FHIT: variants seen among roughly 807,000 people sequenced by gnomAD.
FHIT encodes the protein fragile histidine triad diadenosine triphosphatase.
In FHIT, 19 loss-of-function variants were observed where a neutral mutation model predicts 17.9. That is an observed-to-expected ratio of 1.06 (90% CI 0.74 to 1.56). FHIT has a LOEUF of 1.56. Ranked by LOEUF, FHIT falls within the 40% of genes most tolerant of loss-of-function variation. The pLI, the probability that FHIT is intolerant of heterozygous loss-of-function variation, is 0.00. For synonymous variants in FHIT, 81 were observed against 69.7 expected (o/e 1.16, Z -0.81); for missense variants, 248 against 189.2 (o/e 1.31, Z -1.82).
intron 5 of FHIT, among the ~76,000 whole-genome samples, chr3:60,487,892 C>T (rs1156886125): frequency 2.6e-5 from 4 of 152,106 alleles, no homozygotes; most frequent in Non-Finnish European, 5.9e-5. Context: ...AAGTTCATTA[C>T]CAAGAGAATG....
intron 5 of FHIT, among the ~76,000 whole-genome samples, chr3:60,387,337 G>C (rs1056173309): frequency 6.6e-6 from 1 of 152,020 alleles, no homozygotes; most frequent in Non-Finnish European, 1.5e-5. Flanking sequence ...TCTCCCTGCA[G>C]GCAGGGACCA....
At chr3:60,274,230 G>T (rs1219119243) in intron 5 of FHIT, among the ~76,000 whole-genome samples, 1 of 151,998 alleles carries the variant, frequency 6.6e-6, no homozygotes, top group African/African-American at 2.4e-5. Context: ...TAACTTATGT[G>T]TCTCATTCTT....
chr3:60,501,835 T>C (rs2034537010), intron 5 of FHIT, among the ~76,000 whole-genome samples: 1 of 152,252 alleles, frequency 6.6e-6, no homozygotes, highest in South Asian at 2.1e-4. Context: ...TTCATATTAC[T>C]GTATATTACG....
chr3:60,716,810 G>A (rs571251701), intron 4 of FHIT, among the ~76,000 whole-genome samples: 3 of 152,276 alleles, frequency 2.0e-5, no homozygotes, highest in East Asian at 1.9e-4. Context: ...AATTCGTGAC[G>A]CTATGATATT....
chr3:61,078,878 G>A (rs950739208), intron 2 of FHIT, among the ~76,000 whole-genome samples: 1 of 151,996 alleles, frequency 6.6e-6, no homozygotes, highest in African/African-American at 2.4e-5. Context: ...TTTCTTTAAT[G>A]AGCATTCTAT....
intron 3 of FHIT, among the ~76,000 whole-genome samples, chr3:61,019,099 T>A (rs974600977): frequency 4.6e-5 from 7 of 151,192 alleles, no homozygotes; most frequent in Non-Finnish European, 8.9e-5. Flanking sequence ...CTGGCCTTCC[T>A]TAGGAGAAAT....
At chr3:60,792,709 T>C (rs1700824830) in intron 4 of FHIT, among the ~76,000 whole-genome samples, 1 of 152,220 alleles carries the variant, frequency 6.6e-6, no homozygotes, top group African/African-American at 2.4e-5. Context: ...TGCTTTTTGG[T>C]AATTCATTTG....
chr3:60,860,148 G>GATATATGATATATATATGATATATCTGA (rs1559778053), intron 3 of FHIT, among the ~76,000 whole-genome samples: 1 of 75,844 alleles, frequency 1.3e-5, no homozygotes, highest in Non-Finnish European at 2.6e-5. Flanking sequence ...TATACATATG[G>GATATATGATATATATATGATATATCTGA]TATATATGAT....
At chr3:61,079,322 T>G (rs1411406094) in intron 2 of FHIT, among the ~76,000 whole-genome samples, 1 of 152,132 alleles carries the variant, frequency 6.6e-6, no homozygotes, top group Non-Finnish European at 1.5e-5. Flanking sequence ...AAAGCCAAAC[T>G]ACACAATCAT....
chr3:60,772,225 G>A (rs918006368), intron 4 of FHIT, among the ~76,000 whole-genome samples: 1 of 150,498 alleles, frequency 6.6e-6, no homozygotes, highest in Non-Finnish European at 1.5e-5. Context: ...ACTTTGATGA[G>A]TAGTCTGATA....
chr3:59,827,380 A>T (rs961207503), intron 8 of FHIT, among the ~76,000 whole-genome samples: 3 of 152,256 alleles, frequency 2.0e-5, no homozygotes, highest in Non-Finnish European at 4.4e-5. Context: ...ATGACAGAAC[A>T]TCAACAAATA....
intron 1 of FHIT, among the ~76,000 whole-genome samples, chr3:61,239,762 C>CTATATATATATATATATATATAT (rs1491095399): frequency 9.2e-6 from 1 of 108,282 alleles, no homozygotes; most frequent in East Asian, 3.8e-4. Context: ...AACAACTGGC[C>CTATATATATATATATATATATAT]ATATATATAT....
intron 7 of FHIT, among the ~76,000 whole-genome samples, chr3:59,987,579 T>C (rs910578707): frequency 2.0e-4 from 31 of 152,052 alleles, no homozygotes; most frequent in Middle Eastern, 3.2e-3. Flanking sequence ...TTTTATACTG[T>C]AAGCTCATTT....
Position 60,481,349 on chromosome 3 carries a change from G to T in FHIT, c.103+55511C>A, listed in dbSNP as rs553669728. On this transcript the variant is annotated intron_variant, in intron 5 of 9. Coordinates refer to ENST00000492590, the MANE Select transcript of FHIT (RefSeq NM_002012.4). ...ACACCACTAAGATACTCCAGAAGAA[G>T]AGCAACCCCAAGACACATAATCATC... Among the ~76,000 whole-genome samples, 37 of 152,206 alleles carry T rather than the reference G, an allele frequency of 2.4e-4. No individual in the cohort carries two copies. In the South Asian group the frequency reaches 7.3e-3, roughly 30 times the overall value.
intron 2 of FHIT, among the ~76,000 whole-genome samples, chr3:61,090,837 C>A (rs1159127459): frequency 6.6e-6 from 1 of 152,046 alleles, no homozygotes; most frequent in Admixed American, 6.6e-5. Flanking sequence ...TTTGAAGGTA[C>A]CAAGTTATTT....
intron 2 of FHIT, among the ~76,000 whole-genome samples, chr3:61,146,811 T>C (rs2037238597): frequency 6.6e-6 from 1 of 152,036 alleles, no homozygotes; most frequent in African/African-American, 2.4e-5. Context: ...CACATGGACA[T>C]ACATCAAAGT....
intron 8 of FHIT, among the ~76,000 whole-genome samples, chr3:59,913,495 T>G (rs1704983110): frequency 6.6e-6 from 1 of 152,190 alleles, no homozygotes; most frequent in Admixed American, 6.5e-5. Flanking sequence ...TTCAATGGTA[T>G]GAATGATATG....
chr3:60,101,035 C>G (rs1704169249), intron 5 of FHIT, among the ~76,000 whole-genome samples: 2 of 152,202 alleles, frequency 1.3e-5, no homozygotes, highest in African/African-American at 4.8e-5. Flanking sequence ...TTCTTTCTGT[C>G]TCAAAGTCTA....
At chr3:60,419,291 A>C (rs991888329) in intron 5 of FHIT, among the ~76,000 whole-genome samples, 11 of 151,962 alleles carry the variant, frequency 7.2e-5, no homozygotes, top group African/African-American at 2.7e-4. Context: ...TGTCGTCAAC[A>C]CTCACCTCTC....
Sources: gnomAD v4.1 joint callset for allele counts (sites outside exome capture counted in the v4.1 genomes callset) on GRCh38, gnomAD v4.1.1 for gene constraint, MANE v1.5 for transcripts, NCBI Gene and HGNC (gene_info 2026-07-23, HGNC 2026-07-21) for gene names.